Variants in RFC5 observed in about 807,000 individuals in gnomAD.
The protein encoded by RFC5 is A1 36 kDa subunit.
A neutral mutation model predicts 44.3 loss-of-function variants in RFC5; 26 were observed. The observed-to-expected ratio is 0.59, with a 90% CI of 0.43 to 0.81. RFC5 has a LOEUF of 0.81. Ranked by LOEUF, RFC5 falls within the 40% of genes least tolerant of loss-of-function variation. The pLI is 0.00. For missense variants in RFC5, 328 were observed against 418.6 expected (o/e 0.78, Z 1.89); for synonymous variants, 155 against 155.2 (o/e 1.00, Z 0.01).
At chr12:118,021,720 G>T (rs1302423622) in intron 4 of RFC5, among the ~76,000 whole-genome samples, 1 of 151,454 alleles carries the variant, frequency 6.6e-6, no homozygotes, top group Non-Finnish European at 1.5e-5. Context: ...ACTTTGGGAG[G>T]CCTAGGCAGG....
chr12:118,017,857 A>C, intron 1 of RFC5: 1 of 669,450 alleles, frequency 1.5e-6, no homozygotes, highest in African/African-American at 1.8e-5. Context: ...TAAAATGTAC[A>C]ATTCAGTGGC....
chr12:118,023,417 G>GGGAGA (rs2030667106), intron 5 of RFC5, among the ~76,000 whole-genome samples: 1 of 28,162 alleles, frequency 3.6e-5, no homozygotes, highest in Non-Finnish European at 6.1e-5. Context: ...GAGGAGGGGG[G>GGGAGA]AGGAGGGGAG....
intron 10 of RFC5, among the ~76,000 whole-genome samples, chr12:118,030,220 G>T (rs1262098231): frequency 6.6e-6 from 1 of 152,150 alleles, no homozygotes; most frequent in Non-Finnish European, 1.5e-5. Context: ...GCTTTGCCTG[G>T]TTCCGTAAAC....
chr12:118,038,350 C>G, the RFC5 span: 1 of 1,614,136 alleles, frequency 6.2e-7, no homozygotes, highest in African/African-American at 1.3e-5. Context: ...CAGCAGTAAA[C>G]CCACTGCAGG....
intron 6 of RFC5, 108 bp downstream of exon 6, chr12:118,025,118 G>A (rs996723660): frequency 3.8e-6 from 4 of 1,060,582 alleles, no homozygotes; most frequent in Non-Finnish European, 5.5e-6. Flanking sequence ...CGACTTTGCA[G>A]AGTGCCTAGC....
chr12:118,034,817 A>G, downstream of RFC5: 1 of 635,312 alleles, frequency 1.6e-6, no homozygotes, highest in South Asian at 2.2e-5. Context: ...TTCAGAGAAA[A>G]TGGGACACCG....
At chr12:118,029,726 A>C (rs764014025) in intron 9 of RFC5, 45 bp from the exon 10 acceptor site, 1 of 1,307,734 alleles carries the variant, frequency 7.6e-7, no homozygotes, top group Non-Finnish European at 1.1e-6. Flanking sequence ...GGGTTTTTTG[A>C]CAGTAGAGAG....
At chr12:118,034,928 G>A, downstream of RFC5, 1 of 1,511,270 alleles carries the variant, frequency 6.6e-7, no homozygotes, top group Non-Finnish European at 9.1e-7. Flanking sequence ...TCCTTAAAAA[G>A]CTCCATGGTA....
chr12:118,017,897 T>G (rs2030206769), intron 1 of RFC5: 3 of 673,862 alleles, frequency 4.5e-6, no homozygotes, highest in East Asian at 5.4e-5. Flanking sequence ...CAGTGTACTG[T>G]TGTGGAGTCT....
intron 4 of RFC5, 56 bp from the exon 5 acceptor site, chr12:118,022,230 C>A (rs2030550374): frequency 7.4e-6 from 10 of 1,357,536 alleles, no homozygotes; most frequent in Non-Finnish European, 1.1e-5. Flanking sequence ...AGGTTTGAGC[C>A]CAGATGTTGA....
At chr12:118,023,325 G>A (rs1433519251) in intron 5 of RFC5, among the ~76,000 whole-genome samples, 2 of 149,384 alleles carry the variant, frequency 1.3e-5, no homozygotes, top group Non-Finnish European at 3.0e-5. Flanking sequence ...TCAGCTTTGA[G>A]AGAAGAACGA....
chr12:118,022,183 T>G, intron 4 of RFC5, 103 bp from the exon 5 acceptor site: 1 of 915,682 alleles, frequency 1.1e-6, no homozygotes, highest in Admixed American at 2.0e-5. Context: ...GAAATTGTCT[T>G]TCTGAGACAG....
At chr12:118,030,709 G>A (rs1566130976) in intron 10 of RFC5, among the ~76,000 whole-genome samples, 1 of 152,168 alleles carries the variant, frequency 6.6e-6, no homozygotes, top group Non-Finnish European at 1.5e-5. Context: ...TGCAGTCTCG[G>A]CTCACTGCAA....
At chr12:118,028,483 C>CAAAAAAAAA (rs768496355) in intron 9 of RFC5, among the ~76,000 whole-genome samples, 1 of 125,518 alleles carries the variant, frequency 8.0e-6, no homozygotes, top group African/African-American at 3.0e-5. Flanking sequence ...GAGTTTGTCT[C>CAAAAAAAAA]AAAAAAAAAA....
chr12:118,036,714 G>T (rs907468355), downstream of RFC5, among the ~76,000 whole-genome samples: 1 of 152,152 alleles, frequency 6.6e-6, no homozygotes. Flanking sequence ...AAAACAATGG[G>T]CATGCTCAAG....
chr12:118,028,544 G>A (rs140459374), intron 9 of RFC5, among the ~76,000 whole-genome samples: 1 of 148,218 alleles, frequency 6.7e-6, no homozygotes, highest in African/African-American at 2.5e-5. Context: ...TTAATATCTA[G>A]AACTGCTGGG....
At chr12:118,037,621 T>C (rs543846999), downstream of RFC5, among the ~76,000 whole-genome samples, 32 of 151,278 alleles carry the variant, frequency 2.1e-4, 1 homozygote, top group South Asian at 3.3e-3. Context: ...TAAGCCGAGA[T>C]TGCGTCATTG....
chr12:118,029,034 A>G (rs950426370), intron 9 of RFC5, among the ~76,000 whole-genome samples: 6 of 152,234 alleles, frequency 3.9e-5, no homozygotes, highest in African/African-American at 9.6e-5. Context: ...CTTCTGCCCA[A>G]GGTATGGTTG....
At position 118,025,909 on chromosome 12, in the gene RFC5, C is replaced by G. The variant is rs368137976; in HGVS notation, c.663+81C>G. ...TGTCGCTCAGGCTGGAGTGCAGCAA[C>G]ACAATCTCAGCTCACTGCAACCTCC... On this transcript the variant is annotated intron_variant, in intron 7 of 10. Transcript: ENST00000454402. 39 of 837,092 alleles carry G rather than the reference C, an allele frequency of 4.7e-5. No individual in the cohort carries two copies. The East Asian group carries it at 7.1e-4, about 15-fold the overall frequency. The allele number at this position is 837,092 out of a possible 1,614,324, so 51.9% of individuals were successfully genotyped here. A position where few individuals can be genotyped will look rare whatever the true frequency, so the allele number is the denominator to read the frequency against.
Sources: allele counts gnomAD v4.1 joint callset (sites outside exome capture counted in the v4.1 genomes callset), GRCh38; gene constraint gnomAD v4.1.1; transcripts MANE v1.5; gene names NCBI Gene and HGNC (gene_info 2026-07-23, HGNC 2026-07-21).